ZBTB7C: variants seen among roughly 807,000 people sequenced by gnomAD.
ZBTB7C encodes the protein zinc finger and BTB domain containing 7C.
ZBTB7C carries 8 observed loss-of-function variants against 25.7 expected under a neutral mutation model. The observed-to-expected ratio is 0.31, with a 90% CI of 0.18 to 0.56. ZBTB7C has a LOEUF of 0.56. Among genes scored for constraint, ZBTB7C ranks in the 20% least tolerant of loss-of-function variants. The pLI is 0.91. For synonymous variants in ZBTB7C, 394 were observed against 369.0 expected (o/e 1.07, Z -0.78); for missense variants, 824 against 855.2 (o/e 0.96, Z 0.46).
At chr18:48,284,229 A>T (rs2144651358) in intron 2 of ZBTB7C, among the ~76,000 whole-genome samples, 1 of 152,300 alleles carries the variant, frequency 6.6e-6, no homozygotes, top group Non-Finnish European at 1.5e-5. Context: ...CCAAGGCAGG[A>T]GGACTGCTGA....
At chr18:48,328,118 C>T (rs1229353053) in intron 2 of ZBTB7C, among the ~76,000 whole-genome samples, 6 of 146,326 alleles carry the variant, frequency 4.1e-5, no homozygotes, top group Admixed American at 1.4e-4. Context: ...GGAGGTGGAG[C>T]TTGCAGTGAG....
Position 48,204,144 on chromosome 18 carries a change from C to T in ZBTB7C, c.-78-18149G>A, listed in dbSNP as rs534443386. On this transcript the variant is annotated intron_variant, in intron 2 of 4. Transcript: ENST00000590800. ...TTCCACCTCTGATTTATACCTTGGC[C>T]ACTCCATCAGGTCACACTGCTTGCG... Among the ~76,000 whole-genome samples the T allele has an allele frequency of 2.6e-5, 4 of 152,302 alleles. No homozygotes were observed. The East Asian group carries it at 7.7e-4, about 29-fold the overall frequency.
intron 2 of ZBTB7C, among the ~76,000 whole-genome samples, chr18:48,247,545 T>C (rs1218389222): frequency 6.6e-6 from 1 of 152,228 alleles, no homozygotes; most frequent in Non-Finnish European, 1.5e-5. Flanking sequence ...CCAGTGTCCT[T>C]GGCCCCATAC....
intron 3 of ZBTB7C, among the ~76,000 whole-genome samples, chr18:48,121,790 G>A (rs184960725): frequency 2.0e-5 from 3 of 152,308 alleles, no homozygotes; most frequent in African/African-American, 7.2e-5. Context: ...TGAGCACTGC[G>A]GGGGACCTGG....
intron 2 of ZBTB7C, among the ~76,000 whole-genome samples, chr18:48,230,749 G>C (rs1025099762): frequency 6.6e-6 from 1 of 152,118 alleles, no homozygotes; most frequent in Non-Finnish European, 1.5e-5. Flanking sequence ...TGGCGCCATA[G>C]AGGAAGAGTT....
At chr18:48,363,163 G>A (rs543709176) in intron 1 of ZBTB7C, among the ~76,000 whole-genome samples, 4 of 152,290 alleles carry the variant, frequency 2.6e-5, no homozygotes, top group African/African-American at 9.6e-5. Flanking sequence ...GCTCACTAAG[G>A]CTAGTGCTAT....
rs757520664 is a variant in ZBTB7C, at chr18:48,389,189, A to ACT, written c.-304+20035_-304+20036dup. ...ATGGAGTGATGTTCAGAGCCCTTTA[A>ACT]CTCTCTCTCTCTCTCTCTCTCTCTC... is the stretch of plus-strand genomic sequence containing the variant. On this transcript the variant is annotated intron_variant, in intron 1 of 4. Transcript: ENST00000590800. Among the ~76,000 whole-genome samples, 181 of 64,116 alleles carry ACT rather than the reference A, an allele frequency of 2.8e-3. 2 individuals carry two copies. Among genetic ancestry groups the ACT allele is most frequent in the Non-Finnish European group, 3.5e-3 (122 of 35,266 alleles). 42.1% of individuals were successfully genotyped at this position (64,116 alleles called of 152,430 possible).
chr18:48,221,098 A>AGTCTCCTCTATACTGCCCTT (rs1356876943), intron 2 of ZBTB7C, among the ~76,000 whole-genome samples: 1 of 141,750 alleles, frequency 7.1e-6, no homozygotes, highest in Non-Finnish European at 1.5e-5. Context: ...ATACTATCCC[A>AGTCTCCTCTATACTGCCCTT]GTCTCCTCTA....
intron 3 of ZBTB7C, among the ~76,000 whole-genome samples, chr18:48,061,550 T>C (rs2037125969): frequency 6.6e-6 from 1 of 152,160 alleles, no homozygotes; most frequent in Non-Finnish European, 1.5e-5. Context: ...TACTCAACAA[T>C]GAGTTTCACG....
intron 1 of ZBTB7C, among the ~76,000 whole-genome samples, chr18:48,387,291 G>A (rs752545896): frequency 8.5e-5 from 13 of 152,154 alleles, no homozygotes; most frequent in African/African-American, 1.2e-4. Flanking sequence ...AAAGTGTGCC[G>A]AATAGCATTC....
intron 4 of ZBTB7C, among the ~76,000 whole-genome samples, chr18:48,036,101 G>A (rs1016878203): frequency 6.6e-6 from 1 of 152,284 alleles, no homozygotes; most frequent in Non-Finnish European, 1.5e-5. Context: ...TGATGCCGTT[G>A]AGGCCCTGCC....
At chr18:48,348,905 C>A (rs1423007285) in intron 1 of ZBTB7C, among the ~76,000 whole-genome samples, 1 of 152,210 alleles carries the variant, frequency 6.6e-6, no homozygotes, top group Non-Finnish European at 1.5e-5. Flanking sequence ...GGGCCGGTTT[C>A]CAAGAGTTCC....
intron 2 of ZBTB7C, among the ~76,000 whole-genome samples, chr18:48,295,980 G>A (rs760616221): frequency 8.5e-5 from 13 of 152,186 alleles, no homozygotes; most frequent in Non-Finnish European, 1.3e-4. Flanking sequence ...TCCCGGGCTC[G>A]GTCATCTCCA....
chr18:48,062,362 A>G (rs953839616), intron 3 of ZBTB7C, among the ~76,000 whole-genome samples: 6 of 151,982 alleles, frequency 3.9e-5, no homozygotes, highest in African/African-American at 1.4e-4. Context: ...AGCATGAGTC[A>G]CGCTTGATTT....
chr18:48,236,619 C>T (rs548613468), intron 2 of ZBTB7C, among the ~76,000 whole-genome samples: 4 of 152,124 alleles, frequency 2.6e-5, no homozygotes, highest in Admixed American at 6.5e-5. Flanking sequence ...AACTGGCAGA[C>T]CCTCCTAAAG....
At chr18:48,412,351 T>A (rs1206375401), upstream of ZBTB7C, among the ~76,000 whole-genome samples, 1 of 152,254 alleles carries the variant, frequency 6.6e-6, no homozygotes, top group Non-Finnish European at 1.5e-5. Context: ...TCTTTCTAGA[T>A]TAGAACTTAC....
intron 2 of ZBTB7C, among the ~76,000 whole-genome samples, chr18:48,197,484 G>T (rs2042344482): frequency 6.6e-6 from 1 of 152,168 alleles, no homozygotes; most frequent in Admixed American, 6.5e-5. Context: ...CACTTCTCCT[G>T]TTCTTCACTG....
chr18:48,261,398 C>T (rs1228157310), intron 2 of ZBTB7C, among the ~76,000 whole-genome samples: 1 of 152,154 alleles, frequency 6.6e-6, no homozygotes, highest in African/African-American at 2.4e-5. Context: ...TATTTATTTC[C>T]AAGTTAAGAG....
chr18:48,375,385 C>T (rs2047495484), intron 1 of ZBTB7C, among the ~76,000 whole-genome samples: 1 of 152,224 alleles, frequency 6.6e-6, no homozygotes, highest in Admixed American at 6.5e-5. Context: ...GGAAGGAAAG[C>T]TGGGTGGGTC....
Sources: allele counts gnomAD v4.1 joint callset (sites outside exome capture counted in the v4.1 genomes callset), GRCh38; gene constraint gnomAD v4.1.1; transcripts MANE v1.5; gene names NCBI Gene and HGNC (gene_info 2026-07-23, HGNC 2026-07-21).